MEIKIN: variants seen among roughly 807,000 people sequenced by gnomAD.
The protein encoded by MEIKIN is meiotic kinetochore factor.
chr5:131,877,767 C>A (rs527603710), intron 9 of MEIKIN, among the ~76,000 whole-genome samples: 1 of 152,288 alleles, frequency 6.6e-6, no homozygotes, highest in South Asian at 2.1e-4. Context: ...GTCCCCGCAC[C>A]CTGCCCCCCA....
At chr5:131,854,434 T>C (rs1289204839) in intron 10 of MEIKIN, among the ~76,000 whole-genome samples, 1 of 152,164 alleles carries the variant, frequency 6.6e-6, no homozygotes, top group Non-Finnish European at 1.5e-5. Flanking sequence ...TGCATAATGA[T>C]GTGAATGAAT....
chr5:131,915,304 A>C (rs992241557), intron 7 of MEIKIN, among the ~76,000 whole-genome samples: 28 of 152,276 alleles, frequency 1.8e-4, no homozygotes, highest in African/African-American at 6.5e-4. Context: ...TAAGGCCTTA[A>C]GTTTATGAGT....
At chr5:131,921,430 G>C (rs949041395) in intron 6 of MEIKIN, among the ~76,000 whole-genome samples, 1 of 152,082 alleles carries the variant, frequency 6.6e-6, no homozygotes, top group African/African-American at 2.4e-5. Context: ...AGCCAAGGCA[G>C]GCAGATCACC....
chr5:131,942,767 G>T (rs927424235), intron 3 of MEIKIN, 72 bp from the exon 4 acceptor site: 1 of 394,476 alleles, frequency 2.5e-6, no homozygotes. Flanking sequence ...ATCTTGTACA[G>T]ATTTATTTTA....
At chr5:131,874,033 G>C (rs937456413) in intron 9 of MEIKIN, among the ~76,000 whole-genome samples, 1 of 152,120 alleles carries the variant, frequency 6.6e-6, no homozygotes, top group Non-Finnish European at 1.5e-5. Flanking sequence ...ATGCCCACAA[G>C]AGAAAGCAGG....
At chr5:131,824,631 G>A (rs113670174) in intron 11 of MEIKIN, among the ~76,000 whole-genome samples, 24 of 152,228 alleles carry the variant, frequency 1.6e-4, no homozygotes, top group African/African-American at 4.8e-4. Flanking sequence ...AAAATTCAGC[G>A]AAAGGCTTAA....
At chr5:131,908,361 C>T (rs1172734908) in intron 8 of MEIKIN, among the ~76,000 whole-genome samples, 3 of 151,990 alleles carry the variant, frequency 2.0e-5, no homozygotes, top group South Asian at 2.1e-4. Flanking sequence ...GCTAGAAAAT[C>T]GTGATAAAAT....
chr5:131,844,075 G>T lies in MEIKIN; in HGVS notation c.975+7189C>A, dbSNP rs530765550. Among the ~76,000 whole-genome samples, 9 of 152,258 alleles carry T rather than the reference G, an allele frequency of 5.9e-5. No individual in the cohort carries two copies. In the South Asian group the frequency reaches 1.7e-3, roughly 28 times the overall value. ...AGCATATCTTCATGTGGCAACAGGA[G>T]AAAAAGAAAAGGGAGAAGTGCCACA... On this transcript the variant is annotated intron_variant, in intron 11 of 12. Transcript: ENST00000442687.
At chr5:131,866,296 A>C (rs968986398) in intron 9 of MEIKIN, among the ~76,000 whole-genome samples, 10 of 152,116 alleles carry the variant, frequency 6.6e-5, no homozygotes, top group African/African-American at 2.4e-4. Flanking sequence ...CTCAGGTGCA[A>C]CCAATGGTGT....
At chr5:131,914,917 G>C (rs907965477) in intron 7 of MEIKIN, among the ~76,000 whole-genome samples, 3 of 152,132 alleles carry the variant, frequency 2.0e-5, no homozygotes, top group Non-Finnish European at 2.9e-5. Flanking sequence ...GTCAAAAGAA[G>C]AGGGAGTATG....
intron 12 of MEIKIN, among the ~76,000 whole-genome samples, chr5:131,809,819 C>CA (rs5871436): frequency 0.63 from 82,182 of 130,444 alleles, 27,020 homozygotes; most frequent in Non-Finnish European, 0.77. Flanking sequence ...AACAAACGAA[C>CA]AAAAAAAAAA....
At chr5:131,808,836 G>T (rs901996035) in intron 12 of MEIKIN, among the ~76,000 whole-genome samples, 1 of 152,160 alleles carries the variant, frequency 6.6e-6, no homozygotes, top group Non-Finnish European at 1.5e-5. Context: ...AGCACTCTGG[G>T]AGGCCAAGGT....
chr5:131,905,699 C>G (rs1182891729), intron 8 of MEIKIN, among the ~76,000 whole-genome samples: 2 of 151,998 alleles, frequency 1.3e-5, no homozygotes, highest in Non-Finnish European at 2.9e-5. Flanking sequence ...GATAAACACA[C>G]AGACCAATAG....
At chr5:131,876,163 A>G (rs1473467595) in intron 9 of MEIKIN, among the ~76,000 whole-genome samples, 1 of 152,214 alleles carries the variant, frequency 6.6e-6, no homozygotes, top group Non-Finnish European at 1.5e-5. Context: ...ATTAAACTAA[A>G]GAGATTCGGC....
intron 11 of MEIKIN, among the ~76,000 whole-genome samples, chr5:131,820,200 T>C (rs1282573563): frequency 6.6e-6 from 1 of 150,788 alleles, no homozygotes; most frequent in East Asian, 2.0e-4. Flanking sequence ...GCCTCCTGAG[T>C]AGATGGGATT....
intron 8 of MEIKIN, among the ~76,000 whole-genome samples, chr5:131,903,015 AG>A (rs1292335033): frequency 6.6e-6 from 1 of 152,210 alleles, no homozygotes; most frequent in African/African-American, 2.4e-5. Flanking sequence ...TGCAATCGCA[AG>A]TATTAAGAGT....
At position 131,875,112 on chromosome 5, in the gene MEIKIN, C is replaced by T. The variant is rs138375622; in HGVS notation, c.774+3866G>A. On this transcript the variant is annotated intron_variant, in intron 9 of 12. Transcript: ENST00000442687. ...ACAGGGATGTCCTCTCTTACCACTCCGATTCAACATAGTGTTGGAAGTTCT... is the reference window on the plus strand; with the variant it reads ...ACAGGGATGTCCTCTCTTACCACTCTGATTCAACATAGTGTTGGAAGTTCT... 5.2e-3 allele frequency among the ~76,000 whole-genome samples: 787 copies of T among 152,304 alleles called. 12 individuals are homozygous for T. The highest frequency in any genetic ancestry group is 7.3e-3 in the East Asian group (38 of 5,190).
intron 8 of MEIKIN, among the ~76,000 whole-genome samples, chr5:131,903,820 C>T (rs1001412487): frequency 1.3e-5 from 2 of 151,772 alleles, no homozygotes; most frequent in African/African-American, 4.8e-5. Context: ...GCTAAATACT[C>T]CCAATTAAAA....
intron 10 of MEIKIN, among the ~76,000 whole-genome samples, chr5:131,852,189 C>A (rs188349600): frequency 6.6e-6 from 1 of 152,096 alleles, no homozygotes; most frequent in African/African-American, 2.4e-5. Flanking sequence ...GGGAGGGACC[C>A]GGTGTGAGGT....
Sources: gnomAD v4.1 joint callset for allele counts (sites outside exome capture counted in the v4.1 genomes callset) on GRCh38, gnomAD v4.1.1 for gene constraint, MANE v1.5 for transcripts, NCBI Gene and HGNC (gene_info 2026-07-23, HGNC 2026-07-21) for gene names.